Variants in NELL1 observed in about 807,000 individuals in gnomAD.
The protein encoded by NELL1 is neural EGFL like 1, also known as protein kinase C-binding protein NELL1.
A neutral mutation model predicts 107.4 loss-of-function variants in NELL1; 76 were observed. The observed-to-expected ratio is 0.71, with a 90% CI of 0.59 to 0.86. The LOEUF is 0.86. Ranked by LOEUF, NELL1 falls within the 40% of genes least tolerant of loss-of-function variation. The pLI, the probability that NELL1 is intolerant of heterozygous loss-of-function variation, is 0.00. For synonymous variants in NELL1, 353 were observed against 341.2 expected, an observed-to-expected ratio of 1.03 and a Z score of -0.38; for missense variants, 1,024 against 1,005.5, an observed-to-expected ratio of 1.02 and a Z score of -0.25.
In NELL1 at chr11:21,091,176, A is replaced by C. The variant is rs117631886; in HGVS notation, c.1301-22413A>C. Among the ~76,000 whole-genome samples the C allele has an allele frequency of 6.6e-3, 998 of 152,308 alleles. 5 individuals are homozygous for C. The highest frequency in any genetic ancestry group is 0.01 in the Non-Finnish European group (712 of 68,036). On this transcript the variant is annotated intron_variant, in intron 12 of 19. Coordinates refer to ENST00000357134, the MANE Select transcript of NELL1 (RefSeq NM_006157.5). The stretch of plus-strand genomic sequence containing the variant: ...CAATGATAAATATCCCCTTCTCTGA[A>C]GATCTTTTCTGGAGCTGGGAAATAT...
chr11:21,167,451 T>G (rs1012510436), intron 13 of NELL1, among the ~76,000 whole-genome samples: 2 of 151,872 alleles, frequency 1.3e-5, no homozygotes, highest in Non-Finnish European at 2.9e-5. Context: ...CTCACTCTGA[T>G]GGAGATTAGG....
chr11:21,181,987 G>T lies in NELL1; in HGVS notation c.1427-47345G>T, dbSNP rs190667520. Among the ~76,000 whole-genome samples, 813 of 151,982 alleles carry T rather than the reference G, an allele frequency of 5.3e-3. 26 individuals carry two copies. The highest frequency in any genetic ancestry group is 0.019 in the African/African-American group (774 of 41,260). On this transcript the variant is annotated intron_variant, in intron 13 of 19. Transcript: ENST00000357134. ...TATTTAATTCTCACAACTATCTAAT[G>T]AAGTAAATACTGTTATTATCCCAAT...
At chr11:21,232,181 T>TATATATATATATATATATA (rs1375976378) in intron 14 of NELL1, among the ~76,000 whole-genome samples, 14 of 132,018 alleles carry the variant, frequency 1.1e-4, no homozygotes, top group South Asian at 2.5e-4. Context: ...TATATATAAA[T>TATATATATATATATATATA]TAGCTGGGCG....
intron 15 of NELL1, among the ~76,000 whole-genome samples, chr11:21,439,318 C>G (rs1367645334): frequency 6.6e-6 from 1 of 152,122 alleles, no homozygotes; most frequent in Admixed American, 6.6e-5. Context: ...AAGGACAAGA[C>G]AGATTTTAAT....
chr11:21,284,245 C>T (rs754991694), intron 14 of NELL1: 49 of 456,688 alleles, frequency 1.1e-4, no homozygotes, highest in Non-Finnish European at 1.4e-4. Flanking sequence ...ATTTGCCAAA[C>T]GTGGAGACCT....
At chr11:21,144,963 T>C (rs575836004) in intron 13 of NELL1, among the ~76,000 whole-genome samples, 4 of 152,262 alleles carry the variant, frequency 2.6e-5, no homozygotes, top group Admixed American at 2.6e-4. Context: ...TTGGGGCAAA[T>C]CATTTTAACC....
In NELL1 at chr11:20,758,575, A is replaced by G. The variant is rs546061808; in HGVS notation, c.185-25105A>G. Reference sequence around the variant, plus strand: ...TGAAAATGTTCAAACCAAAGCCAGGAAAACAATCCCTCAGAGTTATTGTAG... The same window carrying G: ...TGAAAATGTTCAAACCAAAGCCAGGGAAACAATCCCTCAGAGTTATTGTAG... On this transcript the variant is annotated intron_variant, in intron 2 of 19. Coordinates refer to ENST00000357134, the MANE Select transcript of NELL1 (RefSeq NM_006157.5). Among the ~76,000 whole-genome samples, 12 of 152,310 alleles carry G rather than the reference A, an allele frequency of 7.9e-5. No individual in the cohort carries two copies. The South Asian group carries it at 2.5e-3, about 32-fold the overall frequency.
intron 2 of NELL1, among the ~76,000 whole-genome samples, chr11:20,749,809 A>G (rs1856092512): frequency 6.6e-6 from 1 of 152,212 alleles, no homozygotes; most frequent in Non-Finnish European, 1.5e-5. Flanking sequence ...TTAGATGAAT[A>G]GAATACTACT....
At chr11:21,288,983 A>T (rs1348867027) in intron 14 of NELL1, among the ~76,000 whole-genome samples, 1 of 152,240 alleles carries the variant, frequency 6.6e-6, no homozygotes. Context: ...CCAAGGCTGT[A>T]GACCTCTTAA....
Position 21,053,989 on chromosome 11 carries a change from C to T in NELL1, c.1301-59600C>T, listed in dbSNP as rs917613421. Among the ~76,000 whole-genome samples the T allele has an allele frequency of 9.2e-5, 14 of 152,072 alleles. No individual in the cohort carries two copies. The South Asian group carries it at 1.0e-3, about 11-fold the overall frequency. ...TTCACTATTTTGTAGGTTCTTCCTA[C>T]GTATCTTTCAAAACATGATTGCTTT... On this transcript the variant is annotated intron_variant, in intron 12 of 19. Transcript: ENST00000357134.
At chr11:20,877,253 G>A (rs193298588) in intron 4 of NELL1, among the ~76,000 whole-genome samples, 1 of 152,324 alleles carries the variant, frequency 6.6e-6, no homozygotes, top group East Asian at 1.9e-4. Context: ...GAGCATGAGA[G>A]CTTCTCTTCA....
intron 14 of NELL1, among the ~76,000 whole-genome samples, chr11:21,254,665 C>T (rs1177786623): frequency 2.0e-5 from 3 of 152,022 alleles, no homozygotes; most frequent in African/African-American, 7.2e-5. Context: ...TTAGTAAGTC[C>T]TTGGCGGTTC....
intron 15 of NELL1, among the ~76,000 whole-genome samples, chr11:21,373,340 G>T (rs992883950): frequency 6.6e-6 from 1 of 152,050 alleles, no homozygotes; most frequent in Non-Finnish European, 1.5e-5. Context: ...AAGTCTATTT[G>T]CCTTCAAATA....
intron 3 of NELL1, among the ~76,000 whole-genome samples, chr11:20,802,931 T>C (rs1857308404): frequency 6.6e-6 from 1 of 152,224 alleles, no homozygotes; most frequent in Non-Finnish European, 1.5e-5. Context: ...TTGGTCATGA[T>C]GAATGATCTT....
chr11:21,268,397 G>A (rs138381391), intron 14 of NELL1, among the ~76,000 whole-genome samples: 29 of 152,076 alleles, frequency 1.9e-4, no homozygotes, highest in Non-Finnish European at 3.8e-4. Context: ...AACAAAACCT[G>A]CCTTTAAGAG....
At chr11:21,524,623 T>A (rs1591005318) in intron 15 of NELL1, among the ~76,000 whole-genome samples, 2 of 152,162 alleles carry the variant, frequency 1.3e-5, no homozygotes, top group Non-Finnish European at 2.9e-5. Flanking sequence ...TGCAAAGGTT[T>A]TATGATGAAG....
At position 21,127,436 on chromosome 11, in the gene NELL1, G is replaced by T. The variant is rs188669816; in HGVS notation, c.1426+13722G>T. On this transcript the variant is annotated intron_variant, in intron 13 of 19. Coordinates refer to ENST00000357134, the MANE Select transcript of NELL1 (RefSeq NM_006157.5). ...ATAGCAGCAATCTGTCTCTACAAAA[G>T]AAAAAAATTTAAAAAATTAGCCAGG... 1.9e-3 allele frequency among the ~76,000 whole-genome samples: 290 copies of T among 151,942 alleles called. 3 individuals are homozygous for T. Among genetic ancestry groups the T allele is most frequent in the South Asian group, 0.018 (85 of 4,814 alleles).
At chr11:21,382,823 A>G (rs562106093) in intron 15 of NELL1, among the ~76,000 whole-genome samples, 1 of 152,084 alleles carries the variant, frequency 6.6e-6, no homozygotes, top group African/African-American at 2.4e-5. Flanking sequence ...CTTCTCACCA[A>G]GCAAGCACAC....
intron 14 of NELL1, among the ~76,000 whole-genome samples, chr11:21,294,967 C>T (rs1337064050): frequency 2.0e-5 from 3 of 152,112 alleles, no homozygotes; most frequent in Non-Finnish European, 2.9e-5. Context: ...TACTACATAG[C>T]TGAGACAGAA....
Sources: gnomAD v4.1 joint callset for allele counts (sites outside exome capture counted in the v4.1 genomes callset) on GRCh38, gnomAD v4.1.1 for gene constraint, MANE v1.5 for transcripts, NCBI Gene and HGNC (gene_info 2026-07-23, HGNC 2026-07-21) for gene names.